The following KAT2B variants were observed in gnomAD, a reference collection of about 807,000 sequenced individuals.
The protein encoded by KAT2B is lysine acetyltransferase 2B.
In KAT2B, 36 loss-of-function variants were observed where a neutral mutation model predicts 105.9. The ratio of observed to expected loss-of-function variants is 0.34; its 90% CI spans 0.26 to 0.45. The LOEUF (loss-of-function observed/expected upper bound fraction) is 0.45, where lower values mean the gene tolerates loss of function less well. KAT2B is among the 20% of genes least tolerant of loss of function. KAT2B has a pLI of 1.00. For missense variants in KAT2B, 820 were observed against 1,021.6 expected (o/e 0.80, Z 2.69); for synonymous variants, 397 against 377.9 (o/e 1.05, Z -0.59).
chr3:20,131,896 AT>A (rs1575152797), intron 11 of KAT2B, among the ~76,000 whole-genome samples: 2 of 152,344 alleles, frequency 1.3e-5, no homozygotes, highest in East Asian at 3.9e-4. Flanking sequence ...TATTTACTAT[AT>A]TAAAAATCTT....
chr3:20,095,807 C>T (rs976017317), intron 3 of KAT2B, among the ~76,000 whole-genome samples: 1 of 152,110 alleles, frequency 6.6e-6, no homozygotes, highest in Non-Finnish European at 1.5e-5. Flanking sequence ...GTAAATAATA[C>T]CTTTGCAGGT....
intron 4 of KAT2B, 64 bp from the exon 5 acceptor site, chr3:20,101,223 G>C: frequency 7.6e-7 from 1 of 1,323,670 alleles, no homozygotes; most frequent in Non-Finnish European, 1.1e-6. Context: ...TGCTGGCTGT[G>C]TGGGTGTTCA....
Position 20,124,871 on chromosome 3 carries a change from A to C in KAT2B, c.1414-1034A>C, listed in dbSNP as rs1246696878. Reference sequence around the variant, plus strand: ...ACCAGTTAGGGCCTTCCTTCCTTGAAGAGCTGTTTGTGGAGCATCTACTTG... The same window carrying C: ...ACCAGTTAGGGCCTTCCTTCCTTGACGAGCTGTTTGTGGAGCATCTACTTG... On this transcript the variant is annotated intron_variant, in intron 9 of 17. Transcript: ENST00000263754. Among the ~76,000 whole-genome samples the C allele has an allele frequency of 3.3e-5, 5 of 151,480 alleles. No homozygotes were observed. In the South Asian group the frequency reaches 1.0e-3, roughly 31 times the overall value.
chr3:20,078,593 G>GT (rs1698462067), intron 2 of KAT2B, among the ~76,000 whole-genome samples: 1 of 151,558 alleles, frequency 6.6e-6, no homozygotes, highest in Admixed American at 6.6e-5. Flanking sequence ...TGCCTGGGCT[G>GT]GTCTCAAACT....
chr3:20,132,145 CG>C (rs1699521511), intron 11 of KAT2B, among the ~76,000 whole-genome samples: 1 of 152,206 alleles, frequency 6.6e-6, no homozygotes, highest in African/African-American at 2.4e-5. Flanking sequence ...GAGGCTGAGG[CG>C]GGCGGATCAC....
At chr3:20,148,081 T>C in intron 15 of KAT2B, 82 bp downstream of exon 15, 1 of 1,445,872 alleles carries the variant, frequency 6.9e-7, no homozygotes, top group Non-Finnish European at 9.7e-7. Context: ...AACGGCAAAC[T>C]AATTGTAATC....
chr3:20,111,473 C>G (rs1343694678), intron 5 of KAT2B, 123 bp from the exon 6 acceptor site: 1 of 708,312 alleles, frequency 1.4e-6, no homozygotes, highest in East Asian at 2.8e-5. Flanking sequence ...GATATTGTTG[C>G]TTGTTATTGC....
rs1699673491 is a variant in KAT2B, at chr3:20,140,232, A to G, written c.1872A>G (p.Lys624=). The stretch of plus-strand genomic sequence containing the variant: ...TACTTGCTTTTCAGGGTTTCTCCAA[A>G]GAAATTAAAATACCTAAAACCAAAT... ...IGYFKKQGFS[K]EIKIPKTKYV... Residue 624 remains lysine, a synonymous_variant, in exon 13 of 18, where the codon AAA becomes AAG. Transcript: ENST00000263754. 1 of 1,604,076 alleles carries G rather than the reference A, an allele frequency of 6.2e-7. No homozygotes were observed. The highest frequency in any genetic ancestry group is 1.7e-5 in the Admixed American group (1 of 59,972).
chr3:20,091,272 A>G (rs1013033053), intron 2 of KAT2B, among the ~76,000 whole-genome samples: 2 of 152,024 alleles, frequency 1.3e-5, no homozygotes, highest in African/African-American at 2.4e-5. Context: ...TTTCTTTTAG[A>G]TTATCCAATT....
In KAT2B at chr3:20,123,633, A is replaced by G. The variant is rs1192127041; in HGVS notation, c.1413+829A>G. On this transcript the variant is annotated intron_variant, in intron 9 of 17. Transcript: ENST00000263754. ...CCCATATAGCCAGATGATGTCAGTT[A>G]TAACCTTTGTTGTTGTTGAAGGATC... Among the ~76,000 whole-genome samples, 4 of 152,222 alleles carry G rather than the reference A, an allele frequency of 2.6e-5. No homozygotes were observed. The East Asian group carries it at 7.7e-4, about 29-fold the overall frequency.
intron 7 of KAT2B, among the ~76,000 whole-genome samples, chr3:20,117,389 G>A (rs1264147021): frequency 2.0e-5 from 3 of 152,158 alleles, no homozygotes; most frequent in African/African-American, 4.8e-5. Context: ...GCATGTCTGC[G>A]TATCGATGCA....
chr3:20,063,851 AT>A (rs1452110113), intron 1 of KAT2B, among the ~76,000 whole-genome samples: 1 of 151,968 alleles, frequency 6.6e-6, no homozygotes, highest in South Asian at 2.1e-4. Flanking sequence ...GAGATTCACA[AT>A]TTTATGTTGA....
intron 2 of KAT2B, among the ~76,000 whole-genome samples, chr3:20,094,268 A>T (rs937078812): frequency 1.3e-5 from 2 of 152,132 alleles, no homozygotes; most frequent in East Asian, 3.9e-4. Flanking sequence ...AGAGAGAGCG[A>T]GCGAGCGAGG....
chr3:20,132,813 T>C (rs1404721320), intron 11 of KAT2B, among the ~76,000 whole-genome samples: 1 of 152,222 alleles, frequency 6.6e-6, no homozygotes, highest in Non-Finnish European at 1.5e-5. Context: ...TTGTTGTTCT[T>C]GAGTAAAATT....
intron 1 of KAT2B, among the ~76,000 whole-genome samples, chr3:20,050,001 A>G (rs1198664670): frequency 6.6e-6 from 1 of 152,140 alleles, no homozygotes; most frequent in African/African-American, 2.4e-5. Context: ...GGAGTTCGAG[A>G]CCAGCCTGGG....
At chr3:20,084,007 A>G (rs1039078614) in intron 2 of KAT2B, among the ~76,000 whole-genome samples, 1 of 152,164 alleles carries the variant, frequency 6.6e-6, no homozygotes, top group African/African-American at 2.4e-5. Flanking sequence ...TTGAGAACAG[A>G]AAGTTCAGCG....
In KAT2B at chr3:20,126,639, A is replaced by G. The variant is rs187122557; in HGVS notation, c.1622+526A>G. Among the ~76,000 whole-genome samples, 373 of 152,070 alleles carry G rather than the reference A, an allele frequency of 2.5e-3. 1 individual carries two copies. Among genetic ancestry groups the G allele is most frequent in the African/African-American group, 8.6e-3 (358 of 41,518 alleles). On this transcript the variant is annotated intron_variant, in intron 10 of 17. Coordinates refer to ENST00000263754, the MANE Select transcript of KAT2B (RefSeq NM_003884.5). ...AGAGTTTGTGACCAGCCTGACCAAC[A>G]TGGAGAAACCCCGTCTCTACTAAAA...
At chr3:20,103,745 G>A (rs1698950698) in intron 5 of KAT2B, among the ~76,000 whole-genome samples, 1 of 152,174 alleles carries the variant, frequency 6.6e-6, no homozygotes, top group Non-Finnish European at 1.5e-5. Context: ...ATGCAAGGCA[G>A]CCTTTGAGAA....
At chr3:20,151,560 C>G (rs942536020) in intron 17 of KAT2B, among the ~76,000 whole-genome samples, 4 of 152,106 alleles carry the variant, frequency 2.6e-5, no homozygotes, top group African/African-American at 4.8e-5. Flanking sequence ...ATGTTAGCGT[C>G]TATTCTAATC....
Sources: gnomAD v4.1 joint callset for allele counts (sites outside exome capture counted in the v4.1 genomes callset) on GRCh38, gnomAD v4.1.1 for gene constraint, MANE v1.5 for transcripts, NCBI Gene and HGNC (gene_info 2026-07-23, HGNC 2026-07-21) for gene names.